AGPAT2: variants seen among roughly 807,000 people sequenced by gnomAD.
AGPAT2 encodes the protein 1-acyl-sn-glycerol-3-phosphate acyltransferase beta.
In AGPAT2, 18 loss-of-function variants were observed where a neutral mutation model predicts 26.1. That is an observed-to-expected ratio of 0.69 (90% confidence interval 0.48 to 1.02). AGPAT2 has a LOEUF of 1.02. Among genes scored for constraint, AGPAT2 ranks in the 50% least tolerant of loss-of-function variants. The pLI is 0.00. For synonymous variants in AGPAT2, 200 were observed against 174.2 expected, an observed-to-expected ratio of 1.15 and a Z score of -1.16; for missense variants, 415 against 394.9, an observed-to-expected ratio of 1.05 and a Z score of -0.43.
chr9:136,687,213 G>T lies in AGPAT2; in HGVS notation c.145C>A (p.Leu49Met). Residue 49 changes from leucine to methionine, a missense_variant, in exon 1 of 6, where the codon CTG (leucine) becomes ATG (methionine). Transcript: ENST00000371696. ...ACCGTCCGGCCGCCGTGGCGCAGCA[G>T]GCAGACGAGCGAGGCCACGGCGGAC... is the stretch of plus-strand genomic sequence containing the variant. Reference protein sequence around the residue: ...TVSAVASLVCLLRHGGRTVEN... With the variant: ...TVSAVASLVCMLRHGGRTVEN... 1 of 1,593,280 alleles carries T rather than the reference G, an allele frequency of 6.3e-7. No homozygotes were observed.
At chr9:136,676,735 C>G (rs1846094893) in intron 3 of AGPAT2, 55 bp from the exon 4 acceptor site, 2 of 1,538,266 alleles carry the variant, frequency 1.3e-6, no homozygotes, top group African/African-American at 2.7e-5. Flanking sequence ...CCCAGAAAGG[C>G]CACGCCGCCT....
At chr9:136,681,035 G>A (rs9411216) in intron 1 of AGPAT2, among the ~76,000 whole-genome samples, 19,230 of 151,880 alleles carry the variant, frequency 0.13, 1,333 homozygotes, top group South Asian at 0.18. Context: ...CTCAGCACAC[G>A]GTTCCGTGGC....
Position 136,687,305 on chromosome 9 carries a change from A to G in AGPAT2, c.53T>C (p.Val18Ala), listed in dbSNP as rs1188776097. ...AAALLLLLLL[V>A]QLSRAAEFYA... is the part of the protein sequence containing the mutation. ...GAACTCGGCCGCGCGGCTCAGCTGC[A>G]CCAGCAGCAGCAGCAACAGCAGCGC... Residue 18 changes from valine (V) to alanine (A), a missense_variant, in exon 1 of 6, where the codon GTG becomes GCG. Coordinates refer to ENST00000371696, the MANE Select transcript of AGPAT2 (RefSeq NM_006412.4). The G allele has an allele frequency of 3.2e-6, 5 of 1,578,228 alleles. No individual in the cohort carries two copies. Among genetic ancestry groups the G allele is most frequent in the Non-Finnish European group, 8.6e-7 (1 of 1,167,616 alleles).
At chr9:136,681,102 CTTTTTT>C (rs141839033) in intron 1 of AGPAT2, among the ~76,000 whole-genome samples, 2 of 143,884 alleles carry the variant, frequency 1.4e-5, no homozygotes, top group African/African-American at 5.1e-5. Context: ...AAAACTTTTC[CTTTTTT>C]TTTTTTTTTT....
intron 1 of AGPAT2, among the ~76,000 whole-genome samples, chr9:136,677,762 G>A (rs11788475): frequency 0.016 from 2,442 of 152,238 alleles, 21 homozygotes; most frequent in Middle Eastern, 0.044. Context: ...CCCTGCCTCC[G>A]TCTCCCCAGC....
chr9:136,674,436 C>A (rs561226694), intron 5 of AGPAT2, among the ~76,000 whole-genome samples: 19 of 152,358 alleles, frequency 1.2e-4, no homozygotes, highest in African/African-American at 4.6e-4. Flanking sequence ...GACACATGGG[C>A]TCAGAGGCCG....
At chr9:136,682,528 G>A (rs1252518912) in intron 1 of AGPAT2, among the ~76,000 whole-genome samples, 1 of 152,230 alleles carries the variant, frequency 6.6e-6, no homozygotes, top group Non-Finnish European at 1.5e-5. Flanking sequence ...CAGGGGCAAA[G>A]CCAAGGTTGC....
chr9:136,680,917 G>A (rs926439350), intron 1 of AGPAT2, among the ~76,000 whole-genome samples: 20 of 152,036 alleles, frequency 1.3e-4, no homozygotes, highest in Admixed American at 2.6e-4. Flanking sequence ...CGCCCGCCTC[G>A]GCCTCCCAAA....
At position 136,673,248 on chromosome 9, in the gene AGPAT2, CT is replaced by C. The variant is rs1846032041; in HGVS notation, c.*503del. On this transcript the variant is annotated 3_prime_UTR_variant, in exon 6 of 6. Coordinates refer to ENST00000371696, the MANE Select transcript of AGPAT2 (RefSeq NM_006412.4). ...GCAGCAGGCCCCGATTCCCGGCTCC[CT>C]GTGGCCCAGGGTGCGTGAGTCTGGG... is the stretch of plus-strand genomic sequence containing the variant. The C allele has an allele frequency of 6.5e-6, 1 of 153,294 alleles. No individual in the cohort carries two copies. The highest frequency in any genetic ancestry group is 1.5e-5 in the Non-Finnish European group (1 of 68,808). 9.5% of individuals were successfully genotyped at this position (153,294 alleles called of 1,614,324 possible).
At chr9:136,679,472 G>A (rs1341556865) in intron 1 of AGPAT2, among the ~76,000 whole-genome samples, 3 of 152,116 alleles carry the variant, frequency 2.0e-5, no homozygotes, top group African/African-American at 4.8e-5. Flanking sequence ...TCTCCAGGCC[G>A]CGCCGGCCAC....
chr9:136,680,960 G>A (rs997764117), intron 1 of AGPAT2, among the ~76,000 whole-genome samples: 7 of 152,046 alleles, frequency 4.6e-5, no homozygotes, highest in African/African-American at 9.7e-5. Context: ...CCAGCGCGCC[G>A]AGCCCTCCTC....
At chr9:136,674,138 C>CGCATTTTCGACA (rs1846055338) in intron 5 of AGPAT2, among the ~76,000 whole-genome samples, 1 of 152,012 alleles carries the variant, frequency 6.6e-6, no homozygotes, top group Admixed American at 6.6e-5. Context: ...GCCTTCACGC[C>CGCATTTTCGACA]GCATTTTCGA....
chr9:136,685,454 C>T (rs2131021649), intron 1 of AGPAT2, among the ~76,000 whole-genome samples: 1 of 152,312 alleles, frequency 6.6e-6, no homozygotes, highest in Middle Eastern at 3.4e-3. Flanking sequence ...GAAGTCCAGG[C>T]AGAGGCCCCT....
intron 1 of AGPAT2, among the ~76,000 whole-genome samples, chr9:136,677,951 C>T (rs933803525): frequency 1.3e-5 from 2 of 152,186 alleles, no homozygotes; most frequent in African/African-American, 4.8e-5. Context: ...GGGAGAGCAG[C>T]CTCTGCACCC....
chr9:136,684,999 ACAGCCC>A (rs1273019111), intron 1 of AGPAT2, among the ~76,000 whole-genome samples: 1 of 152,144 alleles, frequency 6.6e-6, no homozygotes, highest in African/African-American at 2.4e-5. Context: ...CACGTTCGCA[ACAGCCC>A]CACTCTTAGC....
chr9:136,674,651 A>C, intron 5 of AGPAT2, 84 bp downstream of exon 5: 1 of 1,105,944 alleles, frequency 9.0e-7, no homozygotes, highest in Non-Finnish European at 1.2e-6. Context: ...TGCCACCCGG[A>C]AATGGGAACG....
chr9:136,682,776 G>A (rs961087951), intron 1 of AGPAT2, among the ~76,000 whole-genome samples: 4 of 152,272 alleles, frequency 2.6e-5, no homozygotes, highest in African/African-American at 7.2e-5. Flanking sequence ...GGCCTCGAGC[G>A]AAGCCCCGTA....
intron 2 of AGPAT2, 92 bp from the exon 3 acceptor site, chr9:136,677,228 C>G (rs563251760): frequency 6.5e-7 from 1 of 1,534,914 alleles, no homozygotes; most frequent in African/African-American, 1.4e-5. Context: ...GCCTGGCACC[C>G]TGCCTTCTCC....
intron 1 of AGPAT2, 116 bp from the exon 2 acceptor site, chr9:136,677,672 G>A: frequency 1.5e-6 from 2 of 1,291,626 alleles, no homozygotes; most frequent in South Asian, 1.3e-5. Flanking sequence ...CTGGCACGGG[G>A]CAGGAGACCG....
Sources: allele counts gnomAD v4.1 joint callset (sites outside exome capture counted in the v4.1 genomes callset), GRCh38; gene constraint gnomAD v4.1.1; transcripts MANE v1.5; gene names NCBI Gene and HGNC (gene_info 2026-07-23, HGNC 2026-07-21).